The following TMCC1 variants were observed in gnomAD, a reference collection of about 807,000 sequenced individuals.
The protein encoded by TMCC1 is transmembrane and coiled-coil domain family 1.
TMCC1 carries 15 observed loss-of-function variants against 52.4 expected under a neutral mutation model. The ratio of observed to expected loss-of-function variants is 0.29; its 90% CI spans 0.19 to 0.44. The LOEUF is 0.44. Ranked by LOEUF, TMCC1 falls within the 20% of genes least tolerant of loss-of-function variation. TMCC1 has a pLI of 1.00. For missense variants in TMCC1, 503 were observed against 806.0 expected (o/e 0.62, Z 4.55); for synonymous variants, 279 against 301.9 (o/e 0.92, Z 0.79).
chr3:129,843,457 G>T (rs554414352), intron 2 of TMCC1, among the ~76,000 whole-genome samples: 17 of 152,112 alleles, frequency 1.1e-4, no homozygotes, highest in African/African-American at 4.1e-4. Context: ...TCTTTGAAAA[G>T]ATTGATAAAA....
chr3:129,736,980 C>A (rs897059328), intron 4 of TMCC1, among the ~76,000 whole-genome samples: 1 of 152,218 alleles, frequency 6.6e-6, no homozygotes, highest in African/African-American at 2.4e-5. Context: ...TTCACTTTCA[C>A]ACATATGCAA....
rs945966873 is a variant in TMCC1, at chr3:129,685,119, C to T, written c.577-13855G>A. ...GCTAGCTGGGTGCAGTGGCTCACACCTGTAATCCCAGCACTTTGGAAGGCA... is the reference window on the plus strand; with the variant it reads ...GCTAGCTGGGTGCAGTGGCTCACACTTGTAATCCCAGCACTTTGGAAGGCA... On this transcript the variant is annotated intron_variant, in intron 4 of 6. Transcript: ENST00000393238. 7.2e-5 allele frequency among the ~76,000 whole-genome samples: 11 copies of T among 152,110 alleles called. 1 individual carries two copies.
intron 2 of TMCC1, among the ~76,000 whole-genome samples, chr3:129,843,299 A>G (rs1315060653): frequency 6.6e-6 from 1 of 152,068 alleles, no homozygotes; most frequent in African/African-American, 2.4e-5. Context: ...GTGAGCCGAG[A>G]TCGCACCACT....
At chr3:129,760,407 T>A (rs1332661000) in intron 4 of TMCC1, among the ~76,000 whole-genome samples, 1 of 138,500 alleles carries the variant, frequency 7.2e-6, no homozygotes, top group Non-Finnish European at 1.5e-5. Context: ...GGCTAGTGTG[T>A]GTGTGTGTGT....
chr3:129,813,803 TAA>T (rs200391975), intron 4 of TMCC1, among the ~76,000 whole-genome samples: 1 of 141,810 alleles, frequency 7.1e-6, no homozygotes. Flanking sequence ...AAATAAAAGT[TAA>T]AAAAAAAAAA....
intron 2 of TMCC1, chr3:129,857,406 C>T (rs1420318639): frequency 1.3e-5 from 2 of 152,092 alleles, no homozygotes; most frequent in African/African-American, 4.8e-5. Flanking sequence ...AACGGACTGC[C>T]TAATTGTGAA....
At chr3:129,673,810 T>C (rs1357270231) in intron 4 of TMCC1, among the ~76,000 whole-genome samples, 3 of 146,392 alleles carry the variant, frequency 2.0e-5, no homozygotes, top group Non-Finnish European at 3.0e-5. Context: ...ATGATTGTAT[T>C]TGATTATATC....
chr3:129,817,404 A>G (rs1023493891), intron 4 of TMCC1, among the ~76,000 whole-genome samples: 2 of 152,144 alleles, frequency 1.3e-5, no homozygotes, highest in African/African-American at 4.8e-5. Context: ...AGCCGTGATC[A>G]AACTACTGCA....
At chr3:129,737,392 A>G (rs942331888) in intron 4 of TMCC1, among the ~76,000 whole-genome samples, 1 of 152,108 alleles carries the variant, frequency 6.6e-6, no homozygotes, top group African/African-American at 2.4e-5. Context: ...GAAACAGAGA[A>G]TTGCTTGAAC....
At chr3:129,746,653 A>G (rs1018005929) in intron 4 of TMCC1, among the ~76,000 whole-genome samples, 1 of 152,204 alleles carries the variant, frequency 6.6e-6, no homozygotes, top group South Asian at 2.1e-4. Flanking sequence ...AATACAATAA[A>G]CATTGCTAGC....
intron 4 of TMCC1, among the ~76,000 whole-genome samples, chr3:129,783,212 G>T (rs1053665372): frequency 6.6e-6 from 1 of 152,106 alleles, no homozygotes; most frequent in Non-Finnish European, 1.5e-5. Flanking sequence ...GATTCAGAAA[G>T]GTATCAGATC....
rs1320650764 is a variant in TMCC1, at chr3:129,784,468, T to A, written c.576+43335A>T. Among the ~76,000 whole-genome samples the A allele has an allele frequency of 3.3e-5, 5 of 151,094 alleles. 1 individual carries two copies. Among genetic ancestry groups the A allele is most frequent in the Non-Finnish European group, 7.4e-5 (5 of 67,758 alleles). ...GTAGTTCCAGCTACTTGGGAGGCTGTGGCAGGAGAATGGCTTGAACCTGGG... is the reference window on the plus strand; with the variant it reads ...GTAGTTCCAGCTACTTGGGAGGCTGAGGCAGGAGAATGGCTTGAACCTGGG... On this transcript the variant is annotated intron_variant, in intron 4 of 6. Coordinates refer to ENST00000393238, the MANE Select transcript of TMCC1 (RefSeq NM_001017395.5).
chr3:129,849,493 G>A (rs749751540), intron 2 of TMCC1, among the ~76,000 whole-genome samples: 2 of 144,930 alleles, frequency 1.4e-5, no homozygotes, highest in East Asian at 4.2e-4. Flanking sequence ...GGCCAGGCAC[G>A]GTGGCTCACG....
At chr3:129,704,784 A>C (rs1432139975) in intron 4 of TMCC1, among the ~76,000 whole-genome samples, 1 of 152,154 alleles carries the variant, frequency 6.6e-6, no homozygotes, top group Non-Finnish European at 1.5e-5. Flanking sequence ...CTCCAACCTC[A>C]TATCAGGCTT....
chr3:129,656,346 A>G (rs1255973548), intron 5 of TMCC1, among the ~76,000 whole-genome samples: 1 of 152,234 alleles, frequency 6.6e-6, no homozygotes, highest in African/African-American at 2.4e-5. Context: ...GGAATGTACT[A>G]TCACTCAGGT....
chr3:129,755,379 G>T (rs2052909289), intron 4 of TMCC1, among the ~76,000 whole-genome samples: 1 of 152,042 alleles, frequency 6.6e-6, no homozygotes, highest in East Asian at 1.9e-4. Context: ...AAAAAAATTG[G>T]TGAGTTAGAT....
At chr3:129,823,437 A>G (rs1326164036) in intron 4 of TMCC1, among the ~76,000 whole-genome samples, 1 of 152,216 alleles carries the variant, frequency 6.6e-6, no homozygotes, top group Non-Finnish European at 1.5e-5. Context: ...CGCATAATGT[A>G]TATTAATTGT....
chr3:129,657,712 A>T (rs1316187711), intron 5 of TMCC1, among the ~76,000 whole-genome samples: 1 of 152,198 alleles, frequency 6.6e-6, no homozygotes, highest in Non-Finnish European at 1.5e-5. Context: ...TTGATGGGAG[A>T]AGGAGGAGTA....
chr3:129,736,687 A>G (rs1030959238), intron 4 of TMCC1, among the ~76,000 whole-genome samples: 15 of 151,762 alleles, frequency 9.9e-5, no homozygotes, highest in Non-Finnish European at 1.5e-4. Flanking sequence ...ACGCCCAGCT[A>G]ATTTTTGTAA....
Sources: allele counts gnomAD v4.1 joint callset (sites outside exome capture counted in the v4.1 genomes callset), GRCh38; gene constraint gnomAD v4.1.1; transcripts MANE v1.5; gene names NCBI Gene and HGNC (gene_info 2026-07-23, HGNC 2026-07-21).